The following LINGO2 variants were observed in gnomAD, a reference collection of about 807,000 sequenced individuals.
LINGO2 encodes leucine rich repeat and Ig domain containing 2, also known as leucine-rich repeat and immunoglobulin-like domain-containing nogo receptor-interacting protein 2.
Under a neutral mutation model 30.6 loss-of-function variants are expected in LINGO2, and 14 were observed. The ratio of observed to expected loss-of-function variants is 0.46; its 90% confidence interval spans 0.30 to 0.72. The LOEUF is 0.72. Ranked by LOEUF, LINGO2 falls within the 30% of genes least tolerant of loss-of-function variation. The probability of loss-of-function intolerance (pLI) is 0.07; values close to 1 mark genes in which losing one functional copy is unlikely to be tolerated. For missense variants in LINGO2, 729 were observed against 751.7 expected (o/e 0.97, Z 0.35); for synonymous variants, 317 against 288.5 (o/e 1.10, Z -1.00).
chr9:28,868,070 T>A, the LINGO2 span, among the ~76,000 whole-genome samples: 1 of 151,718 alleles, frequency 6.6e-6, no homozygotes, highest in Non-Finnish European at 1.5e-5. Flanking sequence ...CAATTACAAA[T>A]CTTTCCTTTC....
At chr9:28,211,458 A>G (rs1456462382) in intron 4 of LINGO2, among the ~76,000 whole-genome samples, 1 of 151,376 alleles carries the variant, frequency 6.6e-6, no homozygotes, top group Non-Finnish European at 1.5e-5. Flanking sequence ...ATTGTCAAAC[A>G]AAGGAGAGGA....
intron 4 of LINGO2, among the ~76,000 whole-genome samples, chr9:28,109,818 A>C (rs1826719211): frequency 6.6e-6 from 1 of 152,216 alleles, no homozygotes; most frequent in Admixed American, 6.5e-5. Flanking sequence ...CCATAATGCC[A>C]AAGTAATTTA....
chr9:28,702,920 A>G, the LINGO2 span, among the ~76,000 whole-genome samples: 1 of 151,844 alleles, frequency 6.6e-6, no homozygotes, highest in Non-Finnish European at 1.5e-5. Flanking sequence ...GTGGGCACAG[A>G]GTTATTAATA....
the LINGO2 span, among the ~76,000 whole-genome samples, chr9:29,097,425 C>T: frequency 1.5e-5 from 2 of 137,514 alleles, 1 homozygote; most frequent in Non-Finnish European, 3.2e-5. Context: ...AAAATTTATG[C>T]CCTTTCTTCT....
chr9:28,078,767 G>A (rs957842439), intron 4 of LINGO2, among the ~76,000 whole-genome samples: 1 of 147,610 alleles, frequency 6.8e-6, no homozygotes, highest in African/African-American at 2.7e-5. Context: ...AGAACCGCCT[G>A]AACCTGGGAG....
the LINGO2 span, among the ~76,000 whole-genome samples, chr9:28,717,626 G>A: frequency 6.6e-5 from 10 of 152,020 alleles, no homozygotes; most frequent in African/African-American, 2.2e-4. Context: ...TGAATTCATA[G>A]ACACATATAG....
chr9:28,416,468 A>C (rs1286883582), intron 2 of LINGO2, among the ~76,000 whole-genome samples: 3 of 151,798 alleles, frequency 2.0e-5, no homozygotes, highest in Non-Finnish European at 4.4e-5. Context: ...ACTATCACTT[A>C]AAATAGATTT....
chr9:28,162,822 GC>G (rs1367858246), intron 4 of LINGO2, among the ~76,000 whole-genome samples: 1 of 152,114 alleles, frequency 6.6e-6, no homozygotes, highest in Non-Finnish European at 1.5e-5. Flanking sequence ...GTTCATGTAT[GC>G]CAGTGCAACA....
chr9:28,928,031 T>C, the LINGO2 span, among the ~76,000 whole-genome samples: 1 of 152,208 alleles, frequency 6.6e-6, no homozygotes, highest in Non-Finnish European at 1.5e-5. Context: ...ATTGTCTTAT[T>C]TAGTCTTTGC....
intron 3 of LINGO2, among the ~76,000 whole-genome samples, chr9:28,304,804 A>C (rs1359682527): frequency 1.3e-5 from 2 of 152,078 alleles, no homozygotes; most frequent in Non-Finnish European, 2.9e-5. Flanking sequence ...ACTAACTCAA[A>C]GTAGCATGGA....
intron 5 of LINGO2, among the ~76,000 whole-genome samples, chr9:27,967,751 A>G (rs1043079782): frequency 1.3e-5 from 2 of 152,288 alleles, no homozygotes; most frequent in Admixed American, 1.3e-4. Context: ...ACATCTTGCC[A>G]TAGTAAGGTT....
the LINGO2 span, among the ~76,000 whole-genome samples, chr9:28,791,019 T>A: frequency 2.6e-5 from 4 of 152,172 alleles, no homozygotes; most frequent in Admixed American, 6.5e-5. Flanking sequence ...AAAGTTTTTT[T>A]AAAACATTAT....
intron 4 of LINGO2, among the ~76,000 whole-genome samples, chr9:28,139,707 G>A (rs755251295): frequency 1.3e-5 from 2 of 151,974 alleles, no homozygotes; most frequent in Non-Finnish European, 2.9e-5. Flanking sequence ...ACGTTGAGAT[G>A]TTCATATGGA....
At chr9:28,106,106 G>A (rs1826583633) in intron 4 of LINGO2, among the ~76,000 whole-genome samples, 1 of 152,062 alleles carries the variant, frequency 6.6e-6, no homozygotes, top group Non-Finnish European at 1.5e-5. Context: ...CTCCTTATGA[G>A]AATCTAATTC....
At chr9:27,968,595 C>T (rs187606052) in intron 5 of LINGO2, among the ~76,000 whole-genome samples, 101 of 152,016 alleles carry the variant, frequency 6.6e-4, no homozygotes, top group African/African-American at 2.2e-3. Context: ...GCTTTCTCTT[C>T]ATTTTTTATT....
intron 3 of LINGO2, among the ~76,000 whole-genome samples, chr9:28,347,623 T>G (rs1564138868): frequency 6.6e-6 from 1 of 152,218 alleles, no homozygotes; most frequent in Admixed American, 6.5e-5. Context: ...CAATGCACAA[T>G]TTTCTTAGTT....
At chr9:28,961,147 G>A in the LINGO2 span, among the ~76,000 whole-genome samples, 1 of 152,158 alleles carries the variant, frequency 6.6e-6, no homozygotes, top group Non-Finnish European at 1.5e-5. Context: ...AATTGGAATA[G>A]GCACAATTCT....
At chr9:28,049,299 G>A (rs1325838092) in intron 4 of LINGO2, among the ~76,000 whole-genome samples, 1 of 150,776 alleles carries the variant, frequency 6.6e-6, no homozygotes, top group African/African-American at 2.5e-5. Context: ...GTCTAGTGGA[G>A]GTAGACATGT....
intron 3 of LINGO2, among the ~76,000 whole-genome samples, chr9:28,297,909 G>C (rs1182093500): frequency 1.3e-5 from 2 of 152,220 alleles, no homozygotes; most frequent in South Asian, 4.1e-4. Flanking sequence ...AGACTTTTGT[G>C]TGTGCGGGGG....
Sources: gnomAD v4.1 joint callset for allele counts (sites outside exome capture counted in the v4.1 genomes callset) on GRCh38, gnomAD v4.1.1 for gene constraint, MANE v1.5 for transcripts, NCBI Gene and HGNC (gene_info 2026-07-23, HGNC 2026-07-21) for gene names.